The following TLK2 variants were observed in gnomAD, a reference collection of about 807,000 sequenced individuals.
TLK2 encodes serine/threonine-protein kinase tousled-like 2.
TLK2 carries 6 observed loss-of-function variants against 117.3 expected under a neutral mutation model. The observed-to-expected ratio is 0.05, with a 90% CI of 0.03 to 0.10. TLK2 has a LOEUF of 0.10. TLK2 is among the 10% of genes least tolerant of loss of function. TLK2 has a pLI of 1.00. For missense variants in TLK2, 299 were observed against 901.2 expected, an observed-to-expected ratio of 0.33 and a Z score of 8.56; for synonymous variants, 257 against 316.7, an observed-to-expected ratio of 0.81 and a Z score of 2.00.
intron 2 of TLK2, among the ~76,000 whole-genome samples, chr17:62,487,509 C>A (rs71376911): frequency 1 from 144,230 of 144,234 alleles, 72,113 homozygotes; most frequent in Middle Eastern, 1. Flanking sequence ...ACAGAGTGCG[C>A]CTCCGTCTCA....
chr17:62,590,358 GAACCCA>G (rs2081984174), intron 16 of TLK2, among the ~76,000 whole-genome samples: 1 of 152,008 alleles, frequency 6.6e-6, no homozygotes, highest in Admixed American at 6.5e-5. Context: ...AGAATTGCTT[GAACCCA>G]GGAGGCAGAG....
At chr17:62,498,680 C>T (rs1285940019) in intron 2 of TLK2, among the ~76,000 whole-genome samples, 3 of 152,208 alleles carry the variant, frequency 2.0e-5, no homozygotes, top group East Asian at 1.9e-4. Flanking sequence ...CATGAGCCAC[C>T]GGGCCTAGCC....
At chr17:62,563,656 AC>A (rs2079484160) in intron 10 of TLK2, among the ~76,000 whole-genome samples, 1 of 152,128 alleles carries the variant, frequency 6.6e-6, no homozygotes, top group Non-Finnish European at 1.5e-5. Context: ...TGAATTCTTT[AC>A]CGCGTCTGTA....
At chr17:62,556,496 C>T (rs1490857456) in intron 9 of TLK2, among the ~76,000 whole-genome samples, 5 of 152,156 alleles carry the variant, frequency 3.3e-5, no homozygotes, top group African/African-American at 1.2e-4. Context: ...TTTGCCCTCC[C>T]GTGGAAAGAC....
At chr17:62,611,058 A>T (rs1379255644) in intron 21 of TLK2, among the ~76,000 whole-genome samples, 2 of 152,152 alleles carry the variant, frequency 1.3e-5, no homozygotes, top group Non-Finnish European at 2.9e-5. Context: ...GGATCACTTG[A>T]GCCCAGGAGT....
chr17:62,583,584 T>G (rs544748652), intron 15 of TLK2, among the ~76,000 whole-genome samples: 73 of 152,038 alleles, frequency 4.8e-4, no homozygotes, highest in African/African-American at 1.7e-3. Flanking sequence ...TTTTATTTCT[T>G]TTTCTCTTGA....
intron 7 of TLK2, among the ~76,000 whole-genome samples, chr17:62,545,477 C>A (rs2077838065): frequency 6.6e-6 from 1 of 151,982 alleles, no homozygotes; most frequent in South Asian, 2.1e-4. Context: ...ATTAGCCAGG[C>A]ATGGTGGTGT....
At chr17:62,594,085 C>T (rs1446108011) in intron 16 of TLK2, among the ~76,000 whole-genome samples, 1 of 151,726 alleles carries the variant, frequency 6.6e-6, no homozygotes, top group Non-Finnish European at 1.5e-5. Context: ...TAGCCACCGC[C>T]CCTGCTCTCT....
intron 11 of TLK2, among the ~76,000 whole-genome samples, chr17:62,572,609 C>T (rs1363557363): frequency 6.6e-6 from 1 of 152,138 alleles, no homozygotes; most frequent in South Asian, 2.1e-4. Context: ...TGGAAGACTT[C>T]GTTGTGCTTT....
chr17:62,604,998 C>T (rs1338273792), intron 19 of TLK2, among the ~76,000 whole-genome samples: 5 of 151,904 alleles, frequency 3.3e-5, no homozygotes, highest in Non-Finnish European at 7.4e-5. Context: ...TAAGGTTATA[C>T]TTATCCAAGA....
chr17:62,582,799 C>T (rs1407454142), intron 15 of TLK2, among the ~76,000 whole-genome samples: 1 of 152,150 alleles, frequency 6.6e-6, no homozygotes, highest in Non-Finnish European at 1.5e-5. Context: ...TTTCCCCCTC[C>T]TCCTTGTCCT....
chr17:62,517,324 ATCTG>A (rs1382669493), intron 2 of TLK2, among the ~76,000 whole-genome samples: 2 of 152,172 alleles, frequency 1.3e-5, no homozygotes, highest in African/African-American at 2.4e-5. Flanking sequence ...TTCCATTGAT[ATCTG>A]TCTGTCTTTA....
chr17:62,611,836 A>C (rs149966158), intron 21 of TLK2: 1 of 152,244 alleles, frequency 6.6e-6, no homozygotes, highest in African/African-American at 2.4e-5. Flanking sequence ...CACTCACTGC[A>C]TTTTTGGGTC....
intron 6 of TLK2, among the ~76,000 whole-genome samples, chr17:62,529,173 A>G (rs2076575341): frequency 6.6e-6 from 1 of 152,172 alleles, no homozygotes; most frequent in Non-Finnish European, 1.5e-5. Flanking sequence ...TTACATTTAT[A>G]TTAAATTTTG....
At chr17:62,538,480 G>T (rs568871929) in intron 7 of TLK2, among the ~76,000 whole-genome samples, 1 of 152,124 alleles carries the variant, frequency 6.6e-6, no homozygotes, top group African/African-American at 2.4e-5. Context: ...CCACAAATAC[G>T]TACTGAGTGC....
intron 2 of TLK2, among the ~76,000 whole-genome samples, chr17:62,493,315 T>A (rs2073306730): frequency 6.6e-6 from 1 of 152,236 alleles, no homozygotes; most frequent in African/African-American, 2.4e-5. Context: ...ATTTCCTTCC[T>A]TTTTAAGGCT....
At chr17:62,532,200 C>T (rs1181427523) in intron 6 of TLK2, among the ~76,000 whole-genome samples, 2 of 151,998 alleles carry the variant, frequency 1.3e-5, no homozygotes, top group African/African-American at 2.4e-5. Context: ...TTGTTGTTCG[C>T]CCATATTTTA....
chr17:62,474,227 C>T (rs532293726), upstream of TLK2, among the ~76,000 whole-genome samples: 2 of 147,916 alleles, frequency 1.4e-5, no homozygotes, highest in South Asian at 2.1e-4. Flanking sequence ...TACAGACACA[C>T]GCTGCCTTGC....
chr17:62,525,202 A>G (rs2076289366), intron 6 of TLK2, among the ~76,000 whole-genome samples: 3 of 152,126 alleles, frequency 2.0e-5, no homozygotes, highest in Admixed American at 1.3e-4. Flanking sequence ...ATTTTAGATC[A>G]CTGATTTTTA....
Sources: allele counts gnomAD v4.1 joint callset (sites outside exome capture counted in the v4.1 genomes callset), GRCh38; gene constraint gnomAD v4.1.1; transcripts MANE v1.5; gene names NCBI Gene and HGNC (gene_info 2026-07-23, HGNC 2026-07-21).